The following NRXN3 variants were observed in gnomAD, a reference collection of about 807,000 sequenced individuals.
NRXN3 encodes the protein neurexin III.
Under a neutral mutation model 137.6 loss-of-function variants are expected in NRXN3, and 32 were observed. The observed-to-expected ratio is 0.23, with a 90% CI of 0.18 to 0.31. NRXN3 has a LOEUF of 0.31. Ranked by LOEUF, NRXN3 falls within the 10% of genes least tolerant of loss-of-function variation. The probability of loss-of-function intolerance (pLI) is 1.00; values close to 1 mark genes in which losing one functional copy is unlikely to be tolerated. For synonymous variants in NRXN3, 798 were observed against 784.5 expected, an observed-to-expected ratio of 1.02 and a Z score of -0.29; for missense variants, 1,574 against 2,062.5, an observed-to-expected ratio of 0.76 and a Z score of 4.59.
chr14:78,818,592 G>A (rs374860852), intron 10 of NRXN3, among the ~76,000 whole-genome samples: 53 of 152,112 alleles, frequency 3.5e-4, no homozygotes, highest in African/African-American at 1.2e-3. Flanking sequence ...AGTCTGATTG[G>A]GCCATATTTT....
intron 16 of NRXN3, among the ~76,000 whole-genome samples, chr14:79,662,831 C>T (rs990766203): frequency 1.3e-5 from 2 of 151,918 alleles, no homozygotes; most frequent in South Asian, 4.2e-4. Flanking sequence ...GAGAACAGGA[C>T]CAAGGGAATG....
At position 79,837,565 on chromosome 14, in the gene NRXN3, C is replaced by G. The variant is rs569232410; in HGVS notation, c.4094-23777C>G. Among the ~76,000 whole-genome samples the G allele has an allele frequency of 7.9e-5, 12 of 152,238 alleles. No individual in the cohort carries two copies. In the South Asian group the frequency reaches 1.9e-3, roughly 24 times the overall value. ...CTGAAAACACACTGAACAGAAATAT[C>G]CCCATCTCTTTCTCCATCGTGGGTT... On this transcript the variant is annotated intron_variant, in intron 20 of 20. Coordinates refer to ENST00000335750, the MANE Select transcript of NRXN3 (RefSeq NM_001330195.2).
At chr14:79,107,990 C>T (rs560789921) in intron 15 of NRXN3, among the ~76,000 whole-genome samples, 1 of 152,090 alleles carries the variant, frequency 6.6e-6, no homozygotes, top group South Asian at 2.1e-4. Context: ...ATATAGTAAA[C>T]AAAATAATAA....
intron 15 of NRXN3, among the ~76,000 whole-genome samples, chr14:79,085,738 G>A (rs993252853): frequency 8.5e-5 from 13 of 152,080 alleles, no homozygotes; most frequent in African/African-American, 2.9e-4. Flanking sequence ...GAGAGAGAGG[G>A]AAAAAGTCTG....
At chr14:79,011,673 A>G (rs2099571553) in intron 15 of NRXN3, among the ~76,000 whole-genome samples, 1 of 152,040 alleles carries the variant, frequency 6.6e-6, no homozygotes, top group South Asian at 2.1e-4. Context: ...GGCTACACTT[A>G]CAACAGTCTT....
chr14:78,477,954 ACACACATACACG>A (rs1305875551), intron 4 of NRXN3, among the ~76,000 whole-genome samples: 6 of 152,184 alleles, frequency 3.9e-5, no homozygotes, highest in African/African-American at 1.2e-4. Flanking sequence ...ACTCATGTAC[ACACACATACACG>A]CACACATAGT....
chr14:78,886,538 T>C (rs1351963390), intron 10 of NRXN3, among the ~76,000 whole-genome samples: 1 of 152,094 alleles, frequency 6.6e-6, no homozygotes, highest in Non-Finnish European at 1.5e-5. Context: ...TTAGAGTCTT[T>C]AATTTGAGCT....
At chr14:78,559,874 C>T (rs1346099238) in intron 4 of NRXN3, among the ~76,000 whole-genome samples, 3 of 152,176 alleles carry the variant, frequency 2.0e-5, no homozygotes, top group Non-Finnish European at 4.4e-5. Flanking sequence ...GTTTATGTGT[C>T]TCTTATGACA....
chr14:79,169,393 C>T (rs567171042), intron 15 of NRXN3, among the ~76,000 whole-genome samples: 3 of 152,230 alleles, frequency 2.0e-5, no homozygotes, highest in South Asian at 2.1e-4. Context: ...AAACTTACTA[C>T]CTAAGATTTT....
chr14:79,716,653 T>C (rs1022134485), intron 19 of NRXN3, among the ~76,000 whole-genome samples: 5 of 152,088 alleles, frequency 3.3e-5, no homozygotes, highest in African/African-American at 1.2e-4. Context: ...TTTAATTTTG[T>C]AATAAAAACG....
At chr14:79,427,003 A>G (rs970325339) in intron 15 of NRXN3, among the ~76,000 whole-genome samples, 11 of 152,092 alleles carry the variant, frequency 7.2e-5, no homozygotes, top group Admixed American at 3.9e-4. Flanking sequence ...TATAATTGTG[A>G]GTTTTGGGGT....
At chr14:78,226,808 T>C (rs866211147) in intron 1 of NRXN3, among the ~76,000 whole-genome samples, 1 of 152,206 alleles carries the variant, frequency 6.6e-6, no homozygotes, top group Admixed American at 6.5e-5. Flanking sequence ...AAAGATGTAA[T>C]TGGGGCTTCT....
At chr14:79,351,749 G>A (rs528464324) in intron 15 of NRXN3, among the ~76,000 whole-genome samples, 1 of 152,282 alleles carries the variant, frequency 6.6e-6, no homozygotes, top group South Asian at 2.1e-4. Flanking sequence ...TTTATCTAAG[G>A]TTATAGTAAA....
chr14:79,770,537 C>A (rs1279637218), intron 19 of NRXN3, among the ~76,000 whole-genome samples: 2 of 143,904 alleles, frequency 1.4e-5, no homozygotes, highest in East Asian at 4.0e-4. Flanking sequence ...GGGTACATAA[C>A]GAAATGAAGG....
intron 15 of NRXN3, among the ~76,000 whole-genome samples, chr14:79,459,668 A>G (rs958155801): frequency 2.0e-5 from 3 of 152,072 alleles, no homozygotes; most frequent in South Asian, 2.1e-4. Flanking sequence ...AGTGAAAAAT[A>G]TAGAGTTTTG....
chr14:79,508,616 T>G (rs1420747906), intron 16 of NRXN3, among the ~76,000 whole-genome samples: 1 of 151,620 alleles, frequency 6.6e-6, no homozygotes. Context: ...GGTCTTGAAC[T>G]CCTGACCTCA....
intron 16 of NRXN3, among the ~76,000 whole-genome samples, chr14:79,488,667 A>C (rs1167264209): frequency 1.3e-5 from 2 of 152,226 alleles, no homozygotes; most frequent in Non-Finnish European, 2.9e-5. Flanking sequence ...GGAGTAAGAA[A>C]GAATGCAAGA....
At chr14:78,557,310 T>G (rs1217118879) in intron 4 of NRXN3, among the ~76,000 whole-genome samples, 1 of 151,388 alleles carries the variant, frequency 6.6e-6, no homozygotes, top group Non-Finnish European at 1.5e-5. Context: ...TGCCTTGGCC[T>G]CTCAAAGTAC....
chr14:79,395,125 A>T (rs1024839852), intron 15 of NRXN3, among the ~76,000 whole-genome samples: 2 of 152,220 alleles, frequency 1.3e-5, no homozygotes, highest in Non-Finnish European at 2.9e-5. Context: ...TGTGTGGAGC[A>T]TTGTGCTAAT....
Sources: gnomAD v4.1 joint callset for allele counts (sites outside exome capture counted in the v4.1 genomes callset) on GRCh38, gnomAD v4.1.1 for gene constraint, MANE v1.5 for transcripts, NCBI Gene and HGNC (gene_info 2026-07-23, HGNC 2026-07-21) for gene names.